UPP2: variants seen among roughly 807,000 people sequenced by gnomAD.
UPP2 encodes uridine phosphorylase 2.
UPP2 carries 23 observed loss-of-function variants against 26.7 expected under a neutral mutation model. The observed-to-expected ratio is 0.86, with a 90% CI of 0.62 to 1.22. UPP2 has a LOEUF of 1.22. UPP2 is among the 50% of genes most tolerant of loss of function. The probability of loss-of-function intolerance (pLI) is 0.00; values close to 1 mark genes in which losing one functional copy is unlikely to be tolerated. For missense variants in UPP2, 387 were observed against 396.7 expected (o/e 0.98, Z 0.21); for synonymous variants, 127 against 141.3 (o/e 0.90, Z 0.72).
At chr2:158,049,652 C>G (rs1231780159) in intron 3 of UPP2, among the ~76,000 whole-genome samples, 1 of 152,172 alleles carries the variant, frequency 6.6e-6, no homozygotes, top group East Asian at 1.9e-4. Flanking sequence ...CAGACTAATA[C>G]ACTCTGCGGG....
chr2:158,100,581 G>A (rs1233728763), upstream of UPP2, among the ~76,000 whole-genome samples: 1 of 152,146 alleles, frequency 6.6e-6, no homozygotes, highest in Non-Finnish European at 1.5e-5. Context: ...GTGGTTCCTG[G>A]GAAGGAGCAG....
chr2:158,043,177 C>T (rs1462676924), intron 3 of UPP2, among the ~76,000 whole-genome samples: 4 of 152,178 alleles, frequency 2.6e-5, no homozygotes, highest in African/African-American at 4.8e-5. Context: ...AAATAAATCA[C>T]AGGGCTGGGG....
At chr2:158,071,207 A>C (rs2105187158) in intron 3 of UPP2, among the ~76,000 whole-genome samples, 1 of 152,246 alleles carries the variant, frequency 6.6e-6, no homozygotes, top group Non-Finnish European at 1.5e-5. Context: ...GGGGTGGCTA[A>C]GGGAGTGCAA....
intron 2 of UPP2, among the ~76,000 whole-genome samples, chr2:158,110,919 G>A (rs991438185): frequency 6.6e-6 from 1 of 152,174 alleles, no homozygotes; most frequent in Non-Finnish European, 1.5e-5. Flanking sequence ...CCCTTTGTCA[G>A]ATAAGTAGAT....
intron 3 of UPP2, among the ~76,000 whole-genome samples, chr2:158,060,463 G>C (rs554557811): frequency 1.3e-5 from 2 of 152,150 alleles, no homozygotes; most frequent in Non-Finnish European, 2.9e-5. Context: ...CCTCTGCTTT[G>C]AATGTCAGAA....
At chr2:158,101,484 T>C (rs565296416), upstream of UPP2, among the ~76,000 whole-genome samples, 5 of 152,336 alleles carry the variant, frequency 3.3e-5, no homozygotes, top group South Asian at 1.0e-3. Flanking sequence ...AGACTTTGGA[T>C]GCTTCCCTAA....
chr2:158,121,530 G>C lies in UPP2; in HGVS notation c.576G>C (p.Leu192=), dbSNP rs749063026. 8 of 1,613,518 alleles carry C rather than the reference G, an allele frequency of 5.0e-6. No homozygotes were observed. In the Admixed American group the frequency reaches 1.3e-4, roughly 27 times the overall value. The change falls in exon 5 of 7, where the codon CTG becomes CTC. Residue 192 remains leucine, a synonymous_variant. Transcript: ENST00000005756. ...GAAGTACTGAACTGGACAAAGAACT[G>C]TCTGAAGAACTGTTCAACTGTAGCA... The part of the protein sequence containing the change: ...VTRSTELDKE[L]SEELFNCSKE...
At position 158,023,240 on chromosome 2, in the gene UPP2, C is replaced by G. The variant is rs1177162564; in HGVS notation, c.147+7354C>G. On this transcript the variant is annotated intron_variant, in intron 3 of 9. Transcript: ENST00000605860. The stretch of plus-strand genomic sequence containing the variant: ...GGGGTTGCTGTCAGTTGGGGGGGGG[C>G]ATTTGGAAGGCTTTCAGTCCAGTGC... 1.2e-3 allele frequency among the ~76,000 whole-genome samples: 120 copies of G among 103,976 alleles called. 3 individuals are homozygous for G. The highest frequency in any genetic ancestry group is 3.1e-3 in the South Asian group (9 of 2,870). The allele number at this position is 103,976 out of a possible 152,430, so 68.2% of individuals were successfully genotyped here.
intron 3 of UPP2, among the ~76,000 whole-genome samples, chr2:158,050,793 T>G (rs775988942): frequency 4.6e-5 from 7 of 152,222 alleles, no homozygotes; most frequent in African/African-American, 7.2e-5. Context: ...GCAGATAATG[T>G]AACTGAATAT....
chr2:158,085,811 C>G (rs1056098932), intron 3 of UPP2, among the ~76,000 whole-genome samples: 2 of 151,930 alleles, frequency 1.3e-5, no homozygotes, highest in Non-Finnish European at 2.9e-5. Flanking sequence ...CATTTATTGA[C>G]TTACATATGT....
At chr2:158,059,484 C>T (rs1177179905) in intron 3 of UPP2, among the ~76,000 whole-genome samples, 2 of 152,356 alleles carry the variant, frequency 1.3e-5, no homozygotes, top group East Asian at 3.9e-4. Context: ...TGTTGTTCCA[C>T]ATGCAGTCAG....
intron 3 of UPP2, among the ~76,000 whole-genome samples, chr2:158,079,408 T>A (rs1347995836): frequency 6.6e-6 from 1 of 151,702 alleles, no homozygotes; most frequent in African/African-American, 2.4e-5. Flanking sequence ...AATGAAAGAG[T>A]TGTGGAATTT....
chr2:157,997,368 A>G (rs1205117105), intron 2 of UPP2, among the ~76,000 whole-genome samples: 5 of 152,142 alleles, frequency 3.3e-5, no homozygotes, highest in Admixed American at 6.5e-5. Flanking sequence ...AAAGGTCTTC[A>G]CATTTTTAGG....
intron 5 of UPP2, 147 bp downstream of exon 5, chr2:158,121,765 T>TGAAATGA (rs1683573849): frequency 2.8e-6 from 2 of 719,378 alleles, no homozygotes; most frequent in Non-Finnish European, 4.6e-6. Flanking sequence ...TTTTACTTAC[T>TGAAATGA]AAAGCATAGA....
intron 3 of UPP2, among the ~76,000 whole-genome samples, chr2:158,035,244 G>A (rs1170768551): frequency 5.3e-5 from 8 of 150,550 alleles, no homozygotes; most frequent in Admixed American, 4.7e-4. Context: ...TGCAACCTCC[G>A]CCTCCTGGGT....
chr2:158,099,651 C>CA (rs886309292), upstream of UPP2, among the ~76,000 whole-genome samples: 2 of 152,162 alleles, frequency 1.3e-5, no homozygotes, highest in Non-Finnish European at 2.9e-5. Flanking sequence ...AGGGAAAGAG[C>CA]ACAAAAGCAT....
chr2:158,040,233 A>C (rs1424716066), intron 3 of UPP2, among the ~76,000 whole-genome samples: 1 of 152,206 alleles, frequency 6.6e-6, no homozygotes, highest in African/African-American at 2.4e-5. Context: ...CTTTCTATGG[A>C]AAGATAATTG....
intron 3 of UPP2, among the ~76,000 whole-genome samples, chr2:158,033,196 T>C (rs1683950607): frequency 6.6e-6 from 1 of 151,984 alleles, no homozygotes; most frequent in Non-Finnish European, 1.5e-5. Flanking sequence ...TTGAGCATGG[T>C]GTTTCTTTCT....
At chr2:158,128,229 T>C (rs1389416448) in intron 6 of UPP2, among the ~76,000 whole-genome samples, 1 of 152,062 alleles carries the variant, frequency 6.6e-6, no homozygotes, top group Non-Finnish European at 1.5e-5. Context: ...GGACAGACAC[T>C]GGTAACTTAG....
Sources: allele counts gnomAD v4.1 joint callset (sites outside exome capture counted in the v4.1 genomes callset), GRCh38; gene constraint gnomAD v4.1.1; transcripts MANE v1.5; gene names NCBI Gene and HGNC (gene_info 2026-07-23, HGNC 2026-07-21).